Variants in ERC2 observed in about 807,000 individuals in gnomAD.
The protein encoded by ERC2 is ERC protein 2.
In ERC2, 42 loss-of-function variants were observed where a neutral mutation model predicts 114.8. The observed-to-expected ratio is 0.37, with a 90% confidence interval of 0.29 to 0.47. The LOEUF (loss-of-function observed/expected upper bound fraction) is 0.47. ERC2 is among the 20% of genes least tolerant of loss of function. The pLI, the probability that ERC2 is intolerant of heterozygous loss-of-function variation, is 0.99. For synonymous variants in ERC2, 454 were observed against 425.5 expected (o/e 1.07, Z -0.82); for missense variants, 939 against 1,150.7 (o/e 0.82, Z 2.66).
intron 5 of ERC2, among the ~76,000 whole-genome samples, chr3:56,140,569 T>C (rs2080795596): frequency 6.6e-6 from 1 of 152,222 alleles, no homozygotes. Flanking sequence ...CTGCCCACTC[T>C]GCTGTTGATA....
chr3:56,304,346 G>T (rs559084283), intron 2 of ERC2, among the ~76,000 whole-genome samples: 7 of 152,274 alleles, frequency 4.6e-5, no homozygotes, highest in African/African-American at 1.7e-4. Context: ...GAAATGTCAA[G>T]AAAATGGACA....
intron 7 of ERC2, 66 bp downstream of exon 7, chr3:56,080,751 A>C: frequency 6.5e-7 from 1 of 1,534,942 alleles, no homozygotes; most frequent in Non-Finnish European, 8.8e-7. Context: ...CCATGTGCTC[A>C]AAATTTTTCT....
chr3:56,433,361 G>C (rs1388916630), intron 2 of ERC2, among the ~76,000 whole-genome samples: 2 of 152,180 alleles, frequency 1.3e-5, no homozygotes, highest in African/African-American at 4.8e-5. Context: ...AGAATAGGTG[G>C]GATTTGGAAA....
chr3:56,399,504 T>C (rs929034961), intron 2 of ERC2, among the ~76,000 whole-genome samples: 6 of 152,200 alleles, frequency 3.9e-5, no homozygotes, highest in Non-Finnish European at 8.8e-5. Context: ...ATTCTCTATA[T>C]ATAGCTTAAA....
chr3:56,275,461 G>A (rs977858575), intron 3 of ERC2, among the ~76,000 whole-genome samples: 7 of 152,192 alleles, frequency 4.6e-5, no homozygotes, highest in African/African-American at 1.7e-4. Flanking sequence ...CATTTTAACA[G>A]AGGTGGAACC....
intron 15 of ERC2, among the ~76,000 whole-genome samples, chr3:55,719,763 G>T (rs1253753813): frequency 6.6e-6 from 1 of 151,960 alleles, no homozygotes; most frequent in Non-Finnish European, 1.5e-5. Flanking sequence ...TCAGTAGAAA[G>T]CTCAGGAACA....
At chr3:55,622,788 GA>G (rs1189164919) in intron 17 of ERC2, among the ~76,000 whole-genome samples, 1 of 151,914 alleles carries the variant, frequency 6.6e-6, no homozygotes, top group African/African-American at 2.4e-5. Flanking sequence ...CATATTACTG[GA>G]AGAGTGAGTG....
intron 15 of ERC2, among the ~76,000 whole-genome samples, chr3:55,715,886 T>C (rs1421133798): frequency 6.6e-6 from 1 of 152,210 alleles, no homozygotes; most frequent in Non-Finnish European, 1.5e-5. Flanking sequence ...AAGGAAGCTG[T>C]TATTTTACTC....
At chr3:56,333,367 T>C (rs879818611) in intron 2 of ERC2, among the ~76,000 whole-genome samples, 1 of 152,238 alleles carries the variant, frequency 6.6e-6, no homozygotes, top group Non-Finnish European at 1.5e-5. Flanking sequence ...TGGCAAAATT[T>C]AGCAAACAAC....
intron 12 of ERC2, among the ~76,000 whole-genome samples, chr3:55,971,408 T>A (rs1281019800): frequency 6.6e-6 from 1 of 152,202 alleles, no homozygotes; most frequent in African/African-American, 2.4e-5. Context: ...TAAAAAAGTT[T>A]ATAAAAAGAA....
rs2063106042 is a variant in ERC2 at position 55,699,374 on chromosome 3, T to G, written c.2847+4A>C. ...TCTTGGAGGTAAGCAGCGATGAAAC[T>G]GACCTGGTCCGGAGAGGGCCTGTGA... On this transcript the variant is annotated splice_donor_region_variant and intron_variant, in intron 16 of 17. Transcript: ENST00000288221. The G allele has an allele frequency of 6.2e-7, 1 of 1,613,792 alleles. No homozygotes were observed. The highest frequency in any genetic ancestry group is 1.3e-5 in the African/African-American group (1 of 75,036).
chr3:55,823,716 T>C (rs2060217728), intron 14 of ERC2, among the ~76,000 whole-genome samples: 1 of 152,174 alleles, frequency 6.6e-6, no homozygotes. Context: ...TTTTTCTTCT[T>C]CCTGGTTTCA....
At chr3:55,864,917 T>C (rs1158200570) in intron 14 of ERC2, among the ~76,000 whole-genome samples, 2 of 152,154 alleles carry the variant, frequency 1.3e-5, no homozygotes, top group African/African-American at 4.8e-5. Context: ...CCATCACCAC[T>C]ACCAACACCA....
In ERC2 at chr3:55,992,224, C is replaced by G; in HGVS notation, c.2088G>C (p.Arg696Ser). The change falls in exon 11 of 18, where the codon AGG (arginine) becomes AGC (serine). Residue 696 changes from arginine to serine, a missense_variant. Arg to Ser is a moderately radical substitution (Grantham distance 110, BLOSUM62 -1). This residue lies in a region of ERC2 where 328 missense variants were observed against 353.9 expected (regional missense o/e 0.93). Transcript: ENST00000288221. ...TTTGGTCTGCAAACTCAGGGTTCAT[C>G]CTGGAGTCATCTTCAATATTATGTG... ...KKAHNIEDDSRMNPEFADQIK... is the reference protein window; with the variant it reads ...KKAHNIEDDSSMNPEFADQIK... The G allele has an allele frequency of 6.2e-7, 1 of 1,613,526 alleles. No individual in the cohort carries two copies.
intron 7 of ERC2, among the ~76,000 whole-genome samples, chr3:56,037,792 C>A (rs1283945934): frequency 2.0e-5 from 3 of 152,058 alleles, no homozygotes; most frequent in African/African-American, 7.2e-5. Flanking sequence ...ATGTTAAGGG[C>A]AGCCAGAGAG....
chr3:55,979,689 C>T (rs996693497), intron 12 of ERC2, among the ~76,000 whole-genome samples: 1 of 151,842 alleles, frequency 6.6e-6, no homozygotes, highest in African/African-American at 2.4e-5. Context: ...GGAGTTAAAA[C>T]ATGAGTCTCA....
At chr3:56,191,873 C>G (rs1049167812) in intron 3 of ERC2, among the ~76,000 whole-genome samples, 1 of 152,178 alleles carries the variant, frequency 6.6e-6, no homozygotes, top group Non-Finnish European at 1.5e-5. Context: ...CACACACACA[C>G]ACCTGTGCAC....
chr3:55,870,740 G>A (rs1023424248), intron 14 of ERC2, among the ~76,000 whole-genome samples: 8 of 152,192 alleles, frequency 5.3e-5, no homozygotes, highest in Non-Finnish European at 1.2e-4. Flanking sequence ...GAACACCAAC[G>A]GATGAGATTA....
intron 3 of ERC2, 37 bp from the exon 4 acceptor site, chr3:56,173,557 C>T (rs868581860): frequency 6.3e-7 from 1 of 1,597,502 alleles, no homozygotes; most frequent in Non-Finnish European, 8.6e-7. Context: ...CCTGACGGTT[C>T]ATCCTTCCGT....
Sources: gnomAD v4.1 joint callset for allele counts (sites outside exome capture counted in the v4.1 genomes callset) on GRCh38, gnomAD v4.1.1 for gene constraint, gnomAD v4.1.1 regional missense constraint, MANE v1.5 for transcripts, NCBI Gene and HGNC (gene_info 2026-07-23, HGNC 2026-07-21) for gene names.